Variants in BRS3 observed in about 807,000 individuals in gnomAD.
BRS3 encodes the protein bombesin receptor subtype-3.
A neutral mutation model predicts 18.8 loss-of-function variants in BRS3; 5 were observed. The ratio of observed to expected loss-of-function variants is 0.27; its 90% CI spans 0.14 to 0.56. The LOEUF (loss-of-function observed/expected upper bound fraction) is 0.56. BRS3 is among the 20% of genes least tolerant of loss of function. BRS3 has a pLI of 0.93. For missense variants in BRS3, 215 were observed against 296.3 expected, an observed-to-expected ratio of 0.73 and a Z score of 2.01; for synonymous variants, 121 against 115.0, an observed-to-expected ratio of 1.05 and a Z score of -0.33.
At position 136,492,268 on chromosome X, in the gene BRS3, C is replaced by A. The variant is rs369012271; in HGVS notation, c.1093C>A (p.Leu365Met). 1 of 1,211,736 alleles carries A rather than the reference C, an allele frequency of 8.3e-7. No individual in the cohort carries two copies. The highest frequency in any genetic ancestry group is 1.7e-5 in the African/African-American group (1 of 57,736). The change falls in exon 3 of 3, where the codon CTG becomes ATG. Residue 365 changes from leucine to methionine, a missense_variant. Coordinates refer to ENST00000370648, the MANE Select transcript of BRS3 (RefSeq NM_001727.2). ...TGTTGCTGACACCTCTCTTACCACCCTGGCTGTGATGGGAACGGTCCCGGG... is the reference window on the plus strand; with the variant it reads ...TGTTGCTGACACCTCTCTTACCACCATGGCTGTGATGGGAACGGTCCCGGG... Reference protein sequence around the residue: ...PPVADTSLTTLAVMGTVPGTG... With the variant: ...PPVADTSLTTMAVMGTVPGTG...
chrX:136,491,942 T>TTA lies in BRS3; in HGVS notation c.787-20_787-19insTA. Reference sequence around the variant, plus strand: ...TTTTTTTTTTTTTTTTTTTTTTTGCTATGTTTCTTCCCCCTATAGATTGAA... The same window carrying TTA: ...TTTTTTTTTTTTTTTTTTTTTTTGCTTAATGTTTCTTCCCCCTATAGATTGAA... On this transcript the variant is annotated intron_variant, in intron 2 of 2. Coordinates refer to ENST00000370648, the MANE Select transcript of BRS3 (RefSeq NM_001727.2). The TTA allele has an allele frequency of 1.9e-6, 1 of 535,099 alleles. No individual in the cohort carries two copies. The highest frequency in any genetic ancestry group is 2.6e-6 in the Non-Finnish European group (1 of 384,134). The allele number at this position is 535,099 out of a possible 1,213,427, so 44.1% of individuals were successfully genotyped here.
intron 1 of BRS3, among the ~76,000 whole-genome samples, chrX:136,489,498 T>C (rs184181910): frequency 3.6e-5 from 4 of 111,603 alleles, no homozygotes; most frequent in Admixed American, 2.8e-4. Context: ...GCTTAATGAC[T>C]GTAGATTTTA....
In BRS3 at chrX:136,492,225, G is replaced by T. The variant is rs774693094; in HGVS notation, c.1050G>T (p.Ala350=). The T allele has an allele frequency of 8.3e-6, 10 of 1,209,673 alleles. No individual in the cohort carries two copies. The highest frequency in any genetic ancestry group is 1.1e-5 in the Non-Finnish European group (10 of 895,241). Residue 350 remains alanine, a synonymous_variant, in exon 3 of 3, where the codon GCG becomes GCT. Transcript: ENST00000370648. ...AAGCTCAGTTGTTCTGTTGCAAGGC[G>T]GAGCGGCCTGAGCCTCCTGTTGCTG... ...HFKAQLFCCK[A]ERPEPPVADT... is the part of the protein sequence containing the mutation.
At chrX:136,489,242 C>A (rs759755031) in intron 1 of BRS3, among the ~76,000 whole-genome samples, 2 of 111,410 alleles carry the variant, frequency 1.8e-5, no homozygotes, top group East Asian at 5.6e-4. Flanking sequence ...ATTTTCAGTC[C>A]AAGTACTCTG....
chrX:136,491,569 T>G (rs1228500296), intron 2 of BRS3, among the ~76,000 whole-genome samples: 3 of 112,652 alleles, frequency 2.7e-5, no homozygotes, highest in Non-Finnish European at 5.6e-5. Context: ...GAAAGCAATT[T>G]TGTATAGCGT....
chrX:136,490,535 G>C (rs1214990772), intron 2 of BRS3, 51 bp downstream of exon 2: 1 of 976,137 alleles, frequency 1.0e-6, no homozygotes, highest in African/African-American at 1.9e-5. Flanking sequence ...TAGAAGTGAA[G>C]TTCCTACTTT....
Position 136,493,754 on chromosome X carries a change from CAAAT to C in BRS3, c.*1385_*1388del, listed in dbSNP as rs968803835. The C allele has an allele frequency of 1.9e-4, 21 of 112,037 alleles. No individual in the cohort carries two copies. The highest frequency in any genetic ancestry group is 1.1e-3 in the Admixed American group (12 of 10,619). The allele number at this position is 112,037 out of a possible 1,213,427, so 9.2% of individuals were successfully genotyped here. A position where few individuals can be genotyped will look rare whatever the true frequency, so the allele number is the denominator to read the frequency against. On this transcript the variant is annotated 3_prime_UTR_variant, in exon 3 of 3. Coordinates refer to ENST00000370648, the MANE Select transcript of BRS3 (RefSeq NM_001727.2). ...GGACACTGTAACACGTGTGGAAAAA[CAAAT>C]AAATATGAAATAAAGTTTTAAATGA...
chrX:136,491,571 G>A (rs1364745306), intron 2 of BRS3, among the ~76,000 whole-genome samples: 1 of 112,536 alleles, frequency 8.9e-6, no homozygotes. Context: ...AAGCAATTTT[G>A]TATAGCGTCT....
In BRS3 at chrX:136,491,957, T is replaced by C. The variant is rs770339611; in HGVS notation, c.787-5T>C. 3 of 330,717 alleles carry C rather than the reference T, an allele frequency of 9.1e-6. No homozygotes were observed. Among genetic ancestry groups the C allele is most frequent in the East Asian group, 9.4e-5 (1 of 10,617 alleles). 27.3% of individuals were successfully genotyped at this position (330,717 alleles called of 1,213,427 possible). On this transcript the variant is annotated splice_region_variant and splice_polypyrimidine_tract_variant and intron_variant, in intron 2 of 2. Transcript: ENST00000370648. ...TTTTTTTTGCTATGTTTCTTCCCCC[T>C]ATAGATTGAATCCCGAAAGAGAATT...
Position 136,492,543 on chromosome X carries a change from A to G in BRS3, c.*168A>G. On this transcript the variant is annotated 3_prime_UTR_variant, in exon 3 of 3. Coordinates refer to ENST00000370648, the MANE Select transcript of BRS3 (RefSeq NM_001727.2). Reference sequence around the variant, plus strand: ...TACAAACCATTACTTTCTTCAAAGTACAAATAGTAATGTCATCGGGCTTTC... The same window carrying G: ...TACAAACCATTACTTTCTTCAAAGTGCAAATAGTAATGTCATCGGGCTTTC... The G allele has an allele frequency of 2.2e-6, 1 of 447,456 alleles. No individual in the cohort carries two copies. Among genetic ancestry groups the G allele is most frequent in the Non-Finnish European group, 3.5e-6 (1 of 289,239 alleles). 36.9% of individuals were successfully genotyped at this position (447,456 alleles called of 1,213,427 possible). A position where few individuals can be genotyped will look rare whatever the true frequency, so the allele number is the denominator to read the frequency against.
chrX:136,490,554 G>A, intron 2 of BRS3, 70 bp downstream of exon 2: 2 of 798,824 alleles, frequency 2.5e-6, no homozygotes, highest in Admixed American at 6.6e-5. Flanking sequence ...TTTGCACAGT[G>A]AGTAACTGTG....
intron 1 of BRS3, among the ~76,000 whole-genome samples, chrX:136,489,103 T>C (rs1323941942): frequency 8.9e-6 from 1 of 112,257 alleles, no homozygotes; most frequent in Non-Finnish European, 1.9e-5. Flanking sequence ...CTACTTGTTT[T>C]CTCTGTAGGC....
rs370847055 is a variant in BRS3, at chrX:136,490,551, A to G, written c.786+67A>G. On this transcript the variant is annotated intron_variant, in intron 2 of 2. Transcript: ENST00000370648. ...AGAAGTGAAGTTCCTACTTTTGCAC[A>G]GTGAGTAACTGTGTATCTTCCTGTT... 4.2e-5 allele frequency: 36 copies of G among 850,544 alleles called. No individual in the cohort carries two copies. The South Asian group carries it at 9.9e-4, about 23-fold the overall frequency. The allele number at this position is 850,544 out of a possible 1,213,427, so 70.1% of individuals were successfully genotyped here.
chrX:136,490,015 T>C, intron 1 of BRS3, 118 bp from the exon 2 acceptor site: 1 of 498,362 alleles, frequency 2.0e-6, no homozygotes. Context: ...AATGTTGACT[T>C]GGTTATACAC....
In BRS3 at chrX:136,488,113, A is replaced by G; in HGVS notation, c.-2A>G. 1 of 1,187,403 alleles carries G rather than the reference A, an allele frequency of 8.4e-7. No individual in the cohort carries two copies. The highest frequency in any genetic ancestry group is 1.1e-6 in the Non-Finnish European group (1 of 884,463). ...ATATTAAAGACACAGTCTTCAGAAG[A>G]AATGGCTCAAAGGCAGCCTCACTCA... On this transcript the variant is annotated 5_prime_UTR_variant, in exon 1 of 3. Transcript: ENST00000370648.
rs373854385 is a variant in BRS3 at position 136,491,914 on chromosome X, T to TG, written c.787-48_787-47insG. On this transcript the variant is annotated intron_variant, in intron 2 of 2. Coordinates refer to ENST00000370648, the MANE Select transcript of BRS3 (RefSeq NM_001727.2). ...TTTTTTGTTGTTGTTGTTTTTTGTGTTTTTTTTTTTTTTTTTTTTTTTTTT... is the reference window on the plus strand; with the variant it reads ...TTTTTTGTTGTTGTTGTTTTTTGTGTGTTTTTTTTTTTTTTTTTTTTTTTTT... The TG allele has an allele frequency of 1.4e-3, 466 of 332,108 alleles. 4 individuals are homozygous for TG. The highest frequency in any genetic ancestry group is 2.5e-3 in the Middle Eastern group (4 of 1,602). The allele number at this position is 332,108 out of a possible 1,213,427, so 27.4% of individuals were successfully genotyped here.
chrX:136,493,734 CTG>C lies in BRS3; in HGVS notation c.*1361_*1362del, dbSNP rs1473342899. Reference sequence around the variant, plus strand: ...TATTAGTATTGTTTTAAAGTGGACACTGTAACACGTGTGGAAAAACAAATAAA... The same window carrying C: ...TATTAGTATTGTTTTAAAGTGGACACTAACACGTGTGGAAAAACAAATAAA... On this transcript the variant is annotated 3_prime_UTR_variant, in exon 3 of 3. Coordinates refer to ENST00000370648, the MANE Select transcript of BRS3 (RefSeq NM_001727.2). 1 of 111,945 alleles carries C rather than the reference CTG, an allele frequency of 8.9e-6. No homozygotes were observed. Among genetic ancestry groups the C allele is most frequent in the East Asian group, 2.8e-4 (1 of 3,609 alleles). 9.2% of individuals were successfully genotyped at this position (111,945 alleles called of 1,213,427 possible). A position where few individuals can be genotyped will look rare whatever the true frequency, so the allele number is the denominator to read the frequency against.
rs754593042 is a variant in BRS3 at position 136,491,913 on chromosome X, G to GTTTTTTTT, written c.787-30_787-23dup. On this transcript the variant is annotated intron_variant, in intron 2 of 2. Transcript: ENST00000370648. ...TTTTTTTGTTGTTGTTGTTTTTTGT[G>GTTTTTTTT]TTTTTTTTTTTTTTTTTTTTTTTTT... 361 of 436,716 alleles carry GTTTTTTTT rather than the reference G, an allele frequency of 8.3e-4. 36 individuals are homozygous for GTTTTTTTT. Among genetic ancestry groups the GTTTTTTTT allele is most frequent in the East Asian group, 3.8e-3 (39 of 10,131 alleles). 36.0% of individuals were successfully genotyped at this position (436,716 alleles called of 1,213,427 possible).
rs1237639081 is a variant in BRS3, at chrX:136,488,075, C to T, written c.-40C>T. 8.7e-7 allele frequency: 1 copy of T among 1,146,152 alleles called. No individual in the cohort carries two copies. The highest frequency in any genetic ancestry group is 1.8e-5 in the African/African-American group (1 of 55,692). 94.5% of individuals were successfully genotyped at this position (1,146,152 alleles called of 1,213,427 possible). The stretch of plus-strand genomic sequence containing the variant: ...GACGTGACAATCAACTGCATTTGAA[C>T]TGAGAAGAAGAAATATTAAAGACAC... On this transcript the variant is annotated 5_prime_UTR_variant, in exon 1 of 3. Transcript: ENST00000370648.
Sources: allele counts gnomAD v4.1 joint callset (sites outside exome capture counted in the v4.1 genomes callset), GRCh38; gene constraint gnomAD v4.1.1; transcripts MANE v1.5; gene names NCBI Gene and HGNC (gene_info 2026-07-23, HGNC 2026-07-21).